The following LRP1B variants were observed in gnomAD, a reference collection of about 807,000 sequenced individuals.
LRP1B encodes the protein LDL receptor related protein 1B.
A neutral mutation model predicts 556.6 loss-of-function variants in LRP1B; 217 were observed. The observed-to-expected ratio is 0.39, with a 90% CI of 0.35 to 0.44. The LOEUF is 0.44. Ranked by LOEUF, LRP1B falls within the 20% of genes least tolerant of loss-of-function variation. The pLI, the probability that LRP1B is intolerant of heterozygous loss-of-function variation, is 1.00. For missense variants in LRP1B, 5,053 were observed against 5,620.8 expected (o/e 0.90, Z 3.23); for synonymous variants, 2,047 against 1,865.8 (o/e 1.10, Z -2.50).
At chr2:140,573,364 T>G (rs2105112448) in intron 43 of LRP1B, among the ~76,000 whole-genome samples, 1 of 152,038 alleles carries the variant, frequency 6.6e-6, no homozygotes. Context: ...ATTTAGTGTC[T>G]TCATTATAAC....
chr2:141,540,611 C>T (rs1685224847), intron 2 of LRP1B, among the ~76,000 whole-genome samples: 1 of 151,998 alleles, frequency 6.6e-6, no homozygotes. Flanking sequence ...TAAAATGGTG[C>T]TTGGCTTCTG....
At chr2:141,728,499 G>A (rs1471609719) in intron 2 of LRP1B, among the ~76,000 whole-genome samples, 1 of 152,040 alleles carries the variant, frequency 6.6e-6, no homozygotes, top group Non-Finnish European at 1.5e-5. Context: ...CTTTGAGGAA[G>A]AATAAAATGC....
chr2:141,100,147 A>G (rs190196271), intron 7 of LRP1B, among the ~76,000 whole-genome samples: 3 of 152,298 alleles, frequency 2.0e-5, no homozygotes, highest in Non-Finnish European at 4.4e-5. Flanking sequence ...GTGAAACCTA[A>G]TATACCAGAC....
At chr2:141,416,446 ATTTTTTTTT>A (rs34512949) in intron 3 of LRP1B, among the ~76,000 whole-genome samples, 2 of 103,430 alleles carry the variant, frequency 1.9e-5, no homozygotes, top group Non-Finnish European at 3.8e-5. Context: ...TTTGACAGCC[ATTTTTTTTT>A]TTTTTTTTTT....
chr2:141,903,589 TA>T (rs1699680470), intron 1 of LRP1B, among the ~76,000 whole-genome samples: 1 of 151,934 alleles, frequency 6.6e-6, no homozygotes, highest in African/African-American at 2.4e-5. Flanking sequence ...AATTTTTAAT[TA>T]AAAAAATACT....
chr2:140,305,946 G>T (rs1573763246), intron 83 of LRP1B, among the ~76,000 whole-genome samples: 3 of 151,746 alleles, frequency 2.0e-5, no homozygotes, highest in African/African-American at 7.3e-5. Flanking sequence ...TTTATATGCT[G>T]GATTACATTT....
chr2:140,898,863 C>T (rs1028752589), intron 23 of LRP1B: 16 of 446,226 alleles, frequency 3.6e-5, no homozygotes, highest in Non-Finnish European at 6.3e-5. Context: ...GTATACCTGA[C>T]ATAGTAGGAG....
At chr2:141,121,895 A>C (rs1446176494) in intron 7 of LRP1B, among the ~76,000 whole-genome samples, 1 of 152,190 alleles carries the variant, frequency 6.6e-6, no homozygotes. Flanking sequence ...TACTGGTACT[A>C]AAACAGAGAT....
In LRP1B at chr2:140,457,533, T is replaced by G. The variant is rs1687151756; in HGVS notation, c.9744A>C (p.Arg3248Ser). 1 of 1,613,660 alleles carries G rather than the reference T, an allele frequency of 6.2e-7. No individual in the cohort carries two copies. The highest frequency in any genetic ancestry group is 8.5e-7 in the Non-Finnish European group (1 of 1,179,736). The change falls in exon 61 of 91, where the codon AGA (arginine) becomes AGC (serine). Residue 3248 changes from arginine to serine, a missense_variant. This residue lies in a region of LRP1B where 262 missense variants were observed against 395.1 expected (regional missense o/e 0.66). Transcript: ENST00000389484. The part of the protein sequence containing the change: ...SRAHKTSGAD[R>S]LSLIYSWHAI... Reference sequence around the variant, plus strand: ...CATGCCATGAGTAAATCAGTGAGAGTCTGTCTGCTCCCGATGTTTTATGGG... The same window carrying G: ...CATGCCATGAGTAAATCAGTGAGAGGCTGTCTGCTCCCGATGTTTTATGGG...
intron 3 of LRP1B, among the ~76,000 whole-genome samples, chr2:141,323,932 C>CACACAT (rs1687338495): frequency 6.7e-6 from 1 of 149,026 alleles, no homozygotes; most frequent in African/African-American, 2.5e-5. Flanking sequence ...CACACACACA[C>CACACAT]ACACACATCT....
At chr2:140,969,656 C>G (rs993866110) in intron 18 of LRP1B, among the ~76,000 whole-genome samples, 2 of 152,154 alleles carry the variant, frequency 1.3e-5, no homozygotes, top group African/African-American at 4.8e-5. Flanking sequence ...TTTGCAGTGT[C>G]TGGTACCGGT....
chr2:140,687,611 TTCTCTC>T (rs901286921), intron 41 of LRP1B, among the ~76,000 whole-genome samples: 1 of 151,638 alleles, frequency 6.6e-6, no homozygotes, highest in South Asian at 2.1e-4. Flanking sequence ...AATATACTCT[TTCTCTC>T]TCTCTCTCAG....
At chr2:141,007,292 A>G (rs1421315394) in intron 14 of LRP1B, among the ~76,000 whole-genome samples, 2 of 151,920 alleles carry the variant, frequency 1.3e-5, no homozygotes, top group African/African-American at 4.8e-5. Flanking sequence ...AATATTCAAC[A>G]CATTACCACA....
intron 83 of LRP1B, among the ~76,000 whole-genome samples, chr2:140,298,298 C>A (rs1054949737): frequency 1.8e-5 from 2 of 109,682 alleles, no homozygotes; most frequent in African/African-American, 6.6e-5. Context: ...TTGGCCCTTT[C>A]AATTATTTTT....
intron 6 of LRP1B, among the ~76,000 whole-genome samples, chr2:141,214,782 G>A (rs893972690): frequency 3.9e-5 from 6 of 152,026 alleles, no homozygotes; most frequent in Admixed American, 1.3e-4. Context: ...AATAAAAGCC[G>A]GTAGTCACTA....
intron 37 of LRP1B, among the ~76,000 whole-genome samples, chr2:140,715,275 C>A (rs1369324710): frequency 6.6e-6 from 1 of 151,838 alleles, no homozygotes; most frequent in Non-Finnish European, 1.5e-5. Context: ...TCACTCTAGG[C>A]TTTGGTGAGT....
chr2:140,303,675 A>G (rs1009293498), intron 83 of LRP1B, among the ~76,000 whole-genome samples: 8 of 152,142 alleles, frequency 5.3e-5, no homozygotes, highest in African/African-American at 1.2e-4. Flanking sequence ...TCTTTTTATT[A>G]TACCTTAAAT....
At chr2:140,431,451 G>A (rs987183275) in intron 66 of LRP1B, among the ~76,000 whole-genome samples, 2 of 151,978 alleles carry the variant, frequency 1.3e-5, no homozygotes, top group Non-Finnish European at 2.9e-5. Context: ...CTGTCTAGTC[G>A]TACTCCTGTT....
At chr2:140,567,408 A>C (rs7564996) in intron 43 of LRP1B, among the ~76,000 whole-genome samples, 6,278 of 152,156 alleles carry the variant, frequency 0.041, 452 homozygotes, top group African/African-American at 0.14. Flanking sequence ...TCCCAAATTC[A>C]GCCATACTTT....
Sources: allele counts gnomAD v4.1 joint callset (sites outside exome capture counted in the v4.1 genomes callset), GRCh38; gene constraint gnomAD v4.1.1; regional missense constraint gnomAD v4.1.1; transcripts MANE v1.5; gene names NCBI Gene and HGNC (gene_info 2026-07-23, HGNC 2026-07-21).